IMMP2L: variants seen among roughly 807,000 people sequenced by gnomAD.
The protein encoded by IMMP2L is inner mitochondrial membrane peptidase subunit 2.
A neutral mutation model predicts 19.3 loss-of-function variants in IMMP2L; 18 were observed. That is an observed-to-expected ratio of 0.93 (90% confidence interval 0.64 to 1.38). The LOEUF (loss-of-function observed/expected upper bound fraction) is 1.38, where lower values mean the gene tolerates loss of function less well. IMMP2L is among the 40% of genes most tolerant of loss of function. IMMP2L has a pLI of 0.00. For missense variants in IMMP2L, 233 were observed against 218.2 expected, an observed-to-expected ratio of 1.07 and a Z score of -0.43; for synonymous variants, 76 against 73.0, an observed-to-expected ratio of 1.04 and a Z score of -0.21.
chr7:111,236,916 CT>C (rs1814393076), intron 3 of IMMP2L, among the ~76,000 whole-genome samples: 1 of 152,074 alleles, frequency 6.6e-6, no homozygotes, highest in African/African-American at 2.4e-5. Context: ...TGTATCTGGT[CT>C]TTTTTGTTTG....
intron 3 of IMMP2L, among the ~76,000 whole-genome samples, chr7:111,434,978 T>A (rs1215207919): frequency 6.6e-6 from 1 of 151,880 alleles, no homozygotes; most frequent in African/African-American, 2.4e-5. Flanking sequence ...CAATCATACA[T>A]TTCTCATACC....
At chr7:111,387,975 TAAAAAAA>T (rs750267136) in intron 3 of IMMP2L, among the ~76,000 whole-genome samples, 16 of 93,424 alleles carry the variant, frequency 1.7e-4, no homozygotes, top group East Asian at 1.4e-3. Flanking sequence ...ACTCTGTCTT[TAAAAAAA>T]AAAAAAAAAA....
At chr7:110,893,186 C>T (rs1477407935) in intron 4 of IMMP2L, among the ~76,000 whole-genome samples, 1 of 151,964 alleles carries the variant, frequency 6.6e-6, no homozygotes, top group Non-Finnish European at 1.5e-5. Flanking sequence ...AAATACATAC[C>T]TTAATTTAAA....
At chr7:110,921,300 GT>G (rs1425914934) in intron 4 of IMMP2L, among the ~76,000 whole-genome samples, 2 of 152,156 alleles carry the variant, frequency 1.3e-5, no homozygotes, top group Non-Finnish European at 2.9e-5. Context: ...GGAAGGGTCA[GT>G]TCCATCTGAG....
At chr7:110,997,092 G>A (rs1823118814) in intron 3 of IMMP2L, among the ~76,000 whole-genome samples, 1 of 151,826 alleles carries the variant, frequency 6.6e-6, no homozygotes, top group African/African-American at 2.4e-5. Context: ...ATTAACCTTG[G>A]CAAGCACTAA....
chr7:111,095,079 A>G (rs1476975199), intron 3 of IMMP2L, among the ~76,000 whole-genome samples: 3 of 152,024 alleles, frequency 2.0e-5, no homozygotes, highest in Admixed American at 2.0e-4. Flanking sequence ...TTAGGCCATA[A>G]TAAGGGAAGA....
chr7:110,878,850 T>C (rs1585115159), intron 5 of IMMP2L, among the ~76,000 whole-genome samples: 1 of 152,294 alleles, frequency 6.6e-6, no homozygotes, highest in East Asian at 1.9e-4. Context: ...TGTGTAATAA[T>C]AATTAAATTC....
chr7:111,398,054 G>A (rs1299450819), intron 3 of IMMP2L, among the ~76,000 whole-genome samples: 1 of 152,044 alleles, frequency 6.6e-6, no homozygotes, highest in South Asian at 2.1e-4. Context: ...ATTGGAGAGA[G>A]CTAATCATGT....
chr7:111,014,316 T>C (rs939791796), intron 3 of IMMP2L, among the ~76,000 whole-genome samples: 7 of 151,952 alleles, frequency 4.6e-5, no homozygotes, highest in South Asian at 2.1e-4. Context: ...GATTGCATCA[T>C]TGCACTCCAG....
At chr7:111,191,431 TAC>T (rs57414194) in intron 3 of IMMP2L, among the ~76,000 whole-genome samples, 3,361 of 146,712 alleles carry the variant, frequency 0.023, 116 homozygotes, top group African/African-American at 0.077. Context: ...GCTGCTCAAA[TAC>T]ACACACACAC....
At chr7:111,351,962 T>C (rs779627946) in intron 3 of IMMP2L, among the ~76,000 whole-genome samples, 24 of 152,214 alleles carry the variant, frequency 1.6e-4, no homozygotes, top group Non-Finnish European at 2.6e-4. Context: ...AAGATGTTCA[T>C]CTACTTAAAC....
At chr7:111,049,869 C>T (rs746071190) in intron 3 of IMMP2L, among the ~76,000 whole-genome samples, 1 of 152,192 alleles carries the variant, frequency 6.6e-6, no homozygotes, top group East Asian at 1.9e-4. Flanking sequence ...ACTGCTGTTC[C>T]GTGAGTCCCA....
chr7:111,106,503 C>T (rs1798563456), intron 3 of IMMP2L, among the ~76,000 whole-genome samples: 1 of 151,712 alleles, frequency 6.6e-6, no homozygotes, highest in Non-Finnish European at 1.5e-5. Context: ...TGTCTTCTAC[C>T]ATCACCATTT....
chr7:111,021,483 T>C (rs927103366), intron 3 of IMMP2L, among the ~76,000 whole-genome samples: 58 of 152,224 alleles, frequency 3.8e-4, no homozygotes, highest in African/African-American at 1.3e-3. Context: ...CAGTTCTACA[T>C]GCCTGGGGAG....
chr7:111,502,124 G>A (rs542218129), intron 2 of IMMP2L, among the ~76,000 whole-genome samples: 37 of 152,156 alleles, frequency 2.4e-4, no homozygotes, highest in African/African-American at 8.7e-4. Context: ...GATGGAGGAA[G>A]ATCTACCAAG....
At chr7:110,670,253 GA>G (rs1173736099) in intron 5 of IMMP2L, among the ~76,000 whole-genome samples, 2 of 152,082 alleles carry the variant, frequency 1.3e-5, no homozygotes, top group Non-Finnish European at 2.9e-5. Context: ...GGGGACTATA[GA>G]AAAAAACCAA....
At chr7:111,014,875 C>T (rs1825347409) in intron 3 of IMMP2L, among the ~76,000 whole-genome samples, 1 of 152,040 alleles carries the variant, frequency 6.6e-6, no homozygotes, top group Admixed American at 6.6e-5. Flanking sequence ...TAGGATCACA[C>T]CTATCAAACA....
At chr7:110,909,871 G>C (rs1474488078) in intron 4 of IMMP2L, among the ~76,000 whole-genome samples, 2 of 151,364 alleles carry the variant, frequency 1.3e-5, no homozygotes, top group Admixed American at 6.6e-5. Flanking sequence ...AGTTAGAAAA[G>C]CATCAGTGTT....
intron 3 of IMMP2L, among the ~76,000 whole-genome samples, chr7:111,340,406 T>G (rs1826894116): frequency 6.6e-6 from 1 of 152,080 alleles, no homozygotes; most frequent in Non-Finnish European, 1.5e-5. Flanking sequence ...AAAGTAATTA[T>G]ATCCTATTTA....
Sources: gnomAD v4.1 joint callset for allele counts (sites outside exome capture counted in the v4.1 genomes callset) on GRCh38, gnomAD v4.1.1 for gene constraint, MANE v1.5 for transcripts, NCBI Gene and HGNC (gene_info 2026-07-23, HGNC 2026-07-21) for gene names.